FHIT: variants seen among roughly 807,000 people sequenced by gnomAD.
FHIT encodes the protein bis(5'-adenosyl)-triphosphatase.
In FHIT, 19 loss-of-function variants were observed where a neutral mutation model predicts 17.9. The observed-to-expected ratio is 1.06, with a 90% confidence interval of 0.74 to 1.56. The LOEUF (loss-of-function observed/expected upper bound fraction) is 1.56, where lower values mean the gene tolerates loss of function less well. Ranked by LOEUF, FHIT falls within the 40% of genes most tolerant of loss-of-function variation. FHIT has a pLI of 0.00. For missense variants in FHIT, 248 were observed against 189.2 expected, an observed-to-expected ratio of 1.31 and a Z score of -1.82; for synonymous variants, 81 against 69.7, an observed-to-expected ratio of 1.16 and a Z score of -0.81.
chr3:60,643,672 A>C (rs79502353), intron 4 of FHIT, among the ~76,000 whole-genome samples: 1,656 of 152,304 alleles, frequency 0.011, 33 homozygotes, highest in African/African-American at 0.038. Context: ...CTCCAGCCAC[A>C]AAGTCAAGAA....
intron 5 of FHIT, among the ~76,000 whole-genome samples, chr3:60,339,834 G>A (rs577537020): frequency 6.6e-6 from 1 of 152,048 alleles, no homozygotes; most frequent in Non-Finnish European, 1.5e-5. Flanking sequence ...TTCTCACCTT[G>A]TTGCTATGCA....
At chr3:59,886,470 C>A (rs889036129) in intron 8 of FHIT, among the ~76,000 whole-genome samples, 1 of 152,164 alleles carries the variant, frequency 6.6e-6, no homozygotes, top group Admixed American at 6.5e-5. Context: ...GCAGGCTGTA[C>A]GAGAAGCCTG....
intron 2 of FHIT, among the ~76,000 whole-genome samples, chr3:61,054,358 T>A (rs931506607): frequency 1.0e-5 from 1 of 96,166 alleles, no homozygotes; most frequent in South Asian, 3.4e-4. Context: ...TAACAAATTA[T>A]CTCTTTTTTT....
rs191276178 is a variant in FHIT, at chr3:60,856,042, C to T, written c.-110-34031G>A. ...TTAAGTTGTAATTATGATGGTGTTT[C>T]AGTTAAATTATTTGATGTGGAAGAC... is the stretch of plus-strand genomic sequence containing the variant. On this transcript the variant is annotated intron_variant, in intron 3 of 9. Transcript: ENST00000492590. Among the ~76,000 whole-genome samples the T allele has an allele frequency of 2.4e-3, 370 of 152,166 alleles. 1 individual carries two copies. The highest frequency in any genetic ancestry group is 3.6e-3 in the Non-Finnish European group (242 of 68,018).
intron 4 of FHIT, among the ~76,000 whole-genome samples, chr3:60,756,385 A>G (rs2042571645): frequency 6.6e-6 from 1 of 152,228 alleles, no homozygotes; most frequent in African/African-American, 2.4e-5. Flanking sequence ...AGTGCTGTCT[A>G]CATTTGTCTG....
At chr3:60,418,998 G>T (rs1702372571) in intron 5 of FHIT, among the ~76,000 whole-genome samples, 1 of 152,130 alleles carries the variant, frequency 6.6e-6, no homozygotes, top group Non-Finnish European at 1.5e-5. Flanking sequence ...GCCCGAATGG[G>T]AAGTACCTAT....
chr3:60,710,072 G>T, intron 4 of FHIT, among the ~76,000 whole-genome samples: 1 of 104,658 alleles, frequency 9.6e-6, no homozygotes, highest in Non-Finnish European at 1.9e-5. Flanking sequence ...CACACAGAAT[G>T]CTAAAAAAAA....
chr3:60,199,247 T>A (rs1205201643), intron 5 of FHIT, among the ~76,000 whole-genome samples: 2 of 152,178 alleles, frequency 1.3e-5, no homozygotes, highest in Non-Finnish European at 2.9e-5. Flanking sequence ...ACATGTTACA[T>A]CATAATCTAG....
chr3:60,701,209 G>C (rs1553702026), intron 4 of FHIT, among the ~76,000 whole-genome samples: 1 of 147,778 alleles, frequency 6.8e-6, no homozygotes, highest in South Asian at 2.1e-4. Context: ...CTGCAGCCTC[G>C]ACTTCCCTGG....
intron 7 of FHIT, among the ~76,000 whole-genome samples, chr3:59,989,856 T>C (rs112084946): frequency 2.0e-5 from 3 of 152,058 alleles, no homozygotes; most frequent in African/African-American, 4.8e-5. Context: ...ATATCGGAGA[T>C]AGACAGACAG....
Position 61,207,067 on chromosome 3 carries a change from T to C in FHIT, c.-212-6402A>G, listed in dbSNP as rs2039262780. On this transcript the variant is annotated intron_variant, in intron 1 of 9. Coordinates refer to ENST00000492590, the MANE Select transcript of FHIT (RefSeq NM_002012.4). ...TTGTCAAAGGCCTTTTCTGCATCTATTGAGATAATCATGTGGTTTTTGTCT... is the reference window on the plus strand; with the variant it reads ...TTGTCAAAGGCCTTTTCTGCATCTACTGAGATAATCATGTGGTTTTTGTCT... 2.6e-5 allele frequency among the ~76,000 whole-genome samples: 4 copies of C among 152,220 alleles called. No individual in the cohort carries two copies. The South Asian group carries it at 8.3e-4, about 32-fold the overall frequency.
rs184464762 is a variant in FHIT, at chr3:61,158,126, G to T, written c.-164+42491C>A. On this transcript the variant is annotated intron_variant, in intron 2 of 9. Coordinates refer to ENST00000492590, the MANE Select transcript of FHIT (RefSeq NM_002012.4). ...AATAACAATAATCATTCATATTTAC[G>T]TTTCCTTCTCAGCCATACATTTTCT... is the stretch of plus-strand genomic sequence containing the variant. Among the ~76,000 whole-genome samples the T allele has an allele frequency of 2.6e-5, 4 of 152,006 alleles. No individual in the cohort carries two copies. The East Asian group carries it at 7.7e-4, about 29-fold the overall frequency.
At chr3:60,717,775 CCTGAGCAT>C (rs2041720205) in intron 4 of FHIT, among the ~76,000 whole-genome samples, 1 of 152,120 alleles carries the variant, frequency 6.6e-6, no homozygotes, top group African/African-American at 2.4e-5. Flanking sequence ...TAATTAGAAA[CCTGAGCAT>C]CTGTATTTTC....
chr3:60,206,521 C>A (rs1443380789), intron 5 of FHIT, among the ~76,000 whole-genome samples: 1 of 151,900 alleles, frequency 6.6e-6, no homozygotes, highest in Admixed American at 6.6e-5. Context: ...AGAAAAAAAA[C>A]ACAAGACTAT....
chr3:60,120,611 G>A (rs1019185640), intron 5 of FHIT, among the ~76,000 whole-genome samples: 26 of 152,034 alleles, frequency 1.7e-4, no homozygotes, highest in African/African-American at 5.3e-4. Context: ...CTTAATTGTG[G>A]ATCAAATGGG....
chr3:60,962,417 T>C (rs146083660), intron 3 of FHIT, among the ~76,000 whole-genome samples: 218 of 152,338 alleles, frequency 1.4e-3, no homozygotes, highest in African/African-American at 5.0e-3. Context: ...TTCAATACAC[T>C]TTATTTCTTT....
At chr3:61,006,627 T>G (rs1403557386) in intron 3 of FHIT, among the ~76,000 whole-genome samples, 1 of 151,660 alleles carries the variant, frequency 6.6e-6, no homozygotes, top group Non-Finnish European at 1.5e-5. Context: ...TTTTTTACAA[T>G]TAACTGCATT....
intron 5 of FHIT, among the ~76,000 whole-genome samples, chr3:60,094,060 T>C (rs549721453): frequency 3.3e-5 from 5 of 151,898 alleles, no homozygotes; most frequent in Non-Finnish European, 7.4e-5. Flanking sequence ...GCCCCCAGAA[T>C]TCCAGAAAAC....
At chr3:60,145,444 G>A (rs948668590) in intron 5 of FHIT, among the ~76,000 whole-genome samples, 1 of 152,130 alleles carries the variant, frequency 6.6e-6, no homozygotes, top group Non-Finnish European at 1.5e-5. Flanking sequence ...CCCAGTGTAT[G>A]CTGGATATGA....
Sources: allele counts gnomAD v4.1 joint callset (sites outside exome capture counted in the v4.1 genomes callset), GRCh38; gene constraint gnomAD v4.1.1; transcripts MANE v1.5; gene names NCBI Gene and HGNC (gene_info 2026-07-23, HGNC 2026-07-21).